The following ARHGAP24 variants were observed in gnomAD, a reference collection of about 807,000 sequenced individuals.
The protein encoded by ARHGAP24 is Rho GTPase activating protein 24, also known as rho GTPase-activating protein 24.
ARHGAP24 carries 50 observed loss-of-function variants against 76.4 expected under a neutral mutation model. The observed-to-expected ratio is 0.65, with a 90% CI of 0.52 to 0.83. The LOEUF is 0.83. Ranked by LOEUF, ARHGAP24 falls within the 40% of genes least tolerant of loss-of-function variation. The pLI, the probability that ARHGAP24 is intolerant of heterozygous loss-of-function variation, is 0.00. For missense variants in ARHGAP24, 930 were observed against 914.2 expected (o/e 1.02, Z -0.22); for synonymous variants, 345 against 323.3 (o/e 1.07, Z -0.72).
chr4:85,758,886 G>T (rs1206455107), intron 3 of ARHGAP24, among the ~76,000 whole-genome samples: 2 of 152,172 alleles, frequency 1.3e-5, no homozygotes, highest in Non-Finnish European at 2.9e-5. Context: ...GGAAAAGAGA[G>T]GCTTAGCATT....
At chr4:85,937,297 G>A (rs1736696545) in intron 4 of ARHGAP24, among the ~76,000 whole-genome samples, 2 of 152,106 alleles carry the variant, frequency 1.3e-5, no homozygotes, top group South Asian at 2.1e-4. Flanking sequence ...TGTTTTGGGG[G>A]GATAGCTTGT....
At chr4:85,762,477 A>G (rs545620279) in intron 3 of ARHGAP24, among the ~76,000 whole-genome samples, 4 of 152,290 alleles carry the variant, frequency 2.6e-5, no homozygotes, top group African/African-American at 4.8e-5. Flanking sequence ...TAATTAACAT[A>G]AGCTAACAAA....
At chr4:85,801,980 G>A (rs935127676) in intron 3 of ARHGAP24, among the ~76,000 whole-genome samples, 1 of 152,212 alleles carries the variant, frequency 6.6e-6, no homozygotes, top group Admixed American at 6.5e-5. Flanking sequence ...AATGACATTT[G>A]AAAGATGACT....
chr4:85,805,329 C>A (rs1285952817), intron 3 of ARHGAP24, among the ~76,000 whole-genome samples: 2 of 152,094 alleles, frequency 1.3e-5, no homozygotes, highest in Non-Finnish European at 2.9e-5. Context: ...CTCTAAGAGT[C>A]AATGTGGGTG....
chr4:85,803,869 A>C (rs931109820), intron 3 of ARHGAP24, among the ~76,000 whole-genome samples: 2 of 151,978 alleles, frequency 1.3e-5, no homozygotes, highest in Non-Finnish European at 2.9e-5. Context: ...TAAATTTCAA[A>C]CACTTCGTTT....
At chr4:85,704,362 A>T (rs1724218084) in intron 2 of ARHGAP24, among the ~76,000 whole-genome samples, 1 of 152,194 alleles carries the variant, frequency 6.6e-6, no homozygotes, top group Non-Finnish European at 1.5e-5. Context: ...GCTTATGAGA[A>T]TGTGTTGAAG....
intron 1 of ARHGAP24, among the ~76,000 whole-genome samples, chr4:85,560,950 A>G (rs913810476): frequency 2.0e-5 from 3 of 152,298 alleles, no homozygotes; most frequent in Admixed American, 2.0e-4. Flanking sequence ...TGTCAATTTT[A>G]ATGTAGACCC....
intron 1 of ARHGAP24, among the ~76,000 whole-genome samples, chr4:85,500,390 T>C (rs1723756873): frequency 6.6e-6 from 1 of 152,212 alleles, no homozygotes; most frequent in African/African-American, 2.4e-5. Flanking sequence ...TGATGAAATA[T>C]GTCCTTGGAA....
At chr4:85,478,706 C>G (rs1722697698) in intron 1 of ARHGAP24, among the ~76,000 whole-genome samples, 1 of 152,126 alleles carries the variant, frequency 6.6e-6, no homozygotes, top group African/African-American at 2.4e-5. Context: ...GGTCTCCTCA[C>G]TGTTCAGGCT....
intron 8 of ARHGAP24, among the ~76,000 whole-genome samples, chr4:85,988,947 A>G: frequency 6.6e-6 from 1 of 151,808 alleles, no homozygotes; most frequent in South Asian, 2.1e-4. Context: ...GAAAGAATAA[A>G]GACCTAAATT....
chr4:85,909,814 T>A (rs935246894), intron 3 of ARHGAP24, among the ~76,000 whole-genome samples: 3 of 152,224 alleles, frequency 2.0e-5, no homozygotes, highest in African/African-American at 7.2e-5. Flanking sequence ...AATTAGTTAT[T>A]TGTACTAGAT....
At chr4:85,619,422 T>G (rs1720641660) in intron 2 of ARHGAP24, among the ~76,000 whole-genome samples, 1 of 151,990 alleles carries the variant, frequency 6.6e-6, no homozygotes, top group Admixed American at 6.6e-5. Flanking sequence ...TGGTTCTTTT[T>G]GCTCAAGATT....
chr4:85,902,952 T>A (rs1210502572), intron 3 of ARHGAP24, among the ~76,000 whole-genome samples: 1 of 152,252 alleles, frequency 6.6e-6, no homozygotes, highest in African/African-American at 2.4e-5. Flanking sequence ...TAAAAGTTAC[T>A]AGTTGAAGTT....
intron 3 of ARHGAP24, among the ~76,000 whole-genome samples, chr4:85,822,478 T>C (rs910182430): frequency 2.6e-5 from 4 of 152,158 alleles, no homozygotes; most frequent in Non-Finnish European, 4.4e-5. Flanking sequence ...GTCAGAAAGA[T>C]GTAAAGAATG....
chr4:85,632,038 A>G (rs945928342), intron 2 of ARHGAP24, among the ~76,000 whole-genome samples: 2 of 151,990 alleles, frequency 1.3e-5, no homozygotes, highest in Admixed American at 1.3e-4. Context: ...GTTTTCTTGA[A>G]CTTATATTTT....
intron 3 of ARHGAP24, among the ~76,000 whole-genome samples, chr4:85,747,553 A>G (rs1358414374): frequency 6.6e-6 from 1 of 152,128 alleles, no homozygotes; most frequent in Non-Finnish European, 1.5e-5. Flanking sequence ...AATACAAAAA[A>G]TTAGCCGGGC....
chr4:85,827,187 T>C (rs924641179), intron 3 of ARHGAP24, among the ~76,000 whole-genome samples: 9 of 152,190 alleles, frequency 5.9e-5, no homozygotes, highest in Non-Finnish European at 1.0e-4. Flanking sequence ...GAAATTTAAA[T>C]TGATTCTGTC....
At chr4:85,574,757 G>C (rs185586084) in intron 2 of ARHGAP24, among the ~76,000 whole-genome samples, 1 of 152,046 alleles carries the variant, frequency 6.6e-6, no homozygotes, top group African/African-American at 2.4e-5. Flanking sequence ...TTTTCCTTAC[G>C]TCTCTGTCTT....
intron 3 of ARHGAP24, among the ~76,000 whole-genome samples, chr4:85,839,943 G>A (rs1310925708): frequency 8.6e-5 from 12 of 138,822 alleles, no homozygotes; most frequent in African/African-American, 2.9e-4. Flanking sequence ...TCTGCCTCCC[G>A]GGTTCAAGCG....
Sources: allele counts gnomAD v4.1 joint callset (sites outside exome capture counted in the v4.1 genomes callset), GRCh38; gene constraint gnomAD v4.1.1; transcripts MANE v1.5; gene names NCBI Gene and HGNC (gene_info 2026-07-23, HGNC 2026-07-21).